The following SLC4A10 variants were observed in gnomAD, a reference collection of about 807,000 sequenced individuals.
SLC4A10 encodes solute carrier family 4 member 10, also known as sodium-driven chloride bicarbonate exchanger.
In SLC4A10, 42 loss-of-function variants were observed where a neutral mutation model predicts 137.7. The ratio of observed to expected loss-of-function variants is 0.30; its 90% CI spans 0.24 to 0.39. SLC4A10 has a LOEUF of 0.39. SLC4A10 is among the 10% of genes least tolerant of loss of function. The probability of loss-of-function intolerance (pLI) is 1.00; values close to 1 mark genes in which losing one functional copy is unlikely to be tolerated. For missense variants in SLC4A10, 925 were observed against 1,355.0 expected, an observed-to-expected ratio of 0.68 and a Z score of 4.98; for synonymous variants, 474 against 464.1, an observed-to-expected ratio of 1.02 and a Z score of -0.27.
intron 1 of SLC4A10, among the ~76,000 whole-genome samples, chr2:161,666,529 A>G (rs560303604): frequency 6.6e-6 from 1 of 151,834 alleles, no homozygotes; most frequent in East Asian, 1.9e-4. Flanking sequence ...TAATTAACAT[A>G]CTTTAATGAG....
chr2:161,971,714 C>T (rs756858382), intron 23 of SLC4A10, among the ~76,000 whole-genome samples: 1 of 152,196 alleles, frequency 6.6e-6, no homozygotes, highest in Non-Finnish European at 1.5e-5. Context: ...GGGATGCAGC[C>T]GGCCCTCCAT....
rs147996544 is a variant in SLC4A10 at position 161,723,697 on chromosome 2, C to T, written c.49-47276C>T. Among the ~76,000 whole-genome samples, 645 of 152,234 alleles carry T rather than the reference C, an allele frequency of 4.2e-3. 3 individuals carry two copies. Among genetic ancestry groups the T allele is most frequent in the South Asian group, 9.5e-3 (46 of 4,832 alleles). ...AGTGACTATGCATCAGAATCAAATA[C>T]GTAGGATTTAATAACATTGAATCCC... On this transcript the variant is annotated intron_variant, in intron 1 of 26. Coordinates refer to ENST00000446997, the MANE Select transcript of SLC4A10 (RefSeq NM_001178015.2).
At chr2:161,939,898 G>A (rs544186648) in intron 15 of SLC4A10, among the ~76,000 whole-genome samples, 5 of 152,170 alleles carry the variant, frequency 3.3e-5, no homozygotes, top group Non-Finnish European at 5.9e-5. Context: ...CAAGTAATGT[G>A]CAATGCTTCC....
At chr2:161,677,521 A>G (rs1252932696) in intron 1 of SLC4A10, among the ~76,000 whole-genome samples, 1 of 152,196 alleles carries the variant, frequency 6.6e-6, no homozygotes, top group Non-Finnish European at 1.5e-5. Flanking sequence ...TTTTTCAAGA[A>G]CATACTGCTA....
chr2:161,834,803 A>T (rs142636356), intron 3 of SLC4A10, among the ~76,000 whole-genome samples: 1 of 152,156 alleles, frequency 6.6e-6, no homozygotes, highest in Non-Finnish European at 1.5e-5. Flanking sequence ...GCTTGCATGG[A>T]TAAATAGATC....
At chr2:161,902,268 T>G (rs1026114461) in intron 12 of SLC4A10, 1 of 226,044 alleles carries the variant, frequency 4.4e-6, no homozygotes, top group South Asian at 5.1e-5. Flanking sequence ...TAATAAGTAA[T>G]TGATTAGAAT....
intron 1 of SLC4A10, among the ~76,000 whole-genome samples, chr2:161,641,154 A>C (rs1218805303): frequency 2.0e-5 from 3 of 152,146 alleles, no homozygotes; most frequent in Admixed American, 1.3e-4. Flanking sequence ...AAGGTATTTC[A>C]GTGTCTTATC....
At chr2:161,644,329 C>T (rs926439712) in intron 1 of SLC4A10, among the ~76,000 whole-genome samples, 1 of 151,992 alleles carries the variant, frequency 6.6e-6, no homozygotes, top group African/African-American at 2.4e-5. Context: ...GGACCCATCT[C>T]TACCAAAAGT....
At chr2:161,845,888 A>G (rs2059461434) in intron 4 of SLC4A10, among the ~76,000 whole-genome samples, 1 of 152,142 alleles carries the variant, frequency 6.6e-6, no homozygotes, top group African/African-American at 2.4e-5. Context: ...AGAAGAAAAT[A>G]TTAGATAAAA....
At chr2:161,875,531 A>G (rs1402721524) in intron 8 of SLC4A10, among the ~76,000 whole-genome samples, 1 of 152,206 alleles carries the variant, frequency 6.6e-6, no homozygotes, top group Non-Finnish European at 1.5e-5. Context: ...TAGGAAAATA[A>G]CTGGAATTAT....
At chr2:161,645,519 G>T in intron 1 of SLC4A10, among the ~76,000 whole-genome samples, 1 of 151,684 alleles carries the variant, frequency 6.6e-6, no homozygotes, top group East Asian at 1.9e-4. Flanking sequence ...TAGTAATTAT[G>T]TCATATTAGT....
chr2:161,885,126 C>T (rs1200000903), intron 10 of SLC4A10, among the ~76,000 whole-genome samples: 2 of 151,850 alleles, frequency 1.3e-5, no homozygotes, highest in African/African-American at 4.8e-5. Flanking sequence ...GGCAATGAGC[C>T]AAGATTGCAT....
intron 1 of SLC4A10, among the ~76,000 whole-genome samples, chr2:161,658,856 G>C (rs574060707): frequency 2.6e-5 from 4 of 151,960 alleles, no homozygotes; most frequent in Non-Finnish European, 5.9e-5. Context: ...CTCCTAAAGC[G>C]CCAGGATTAC....
At chr2:161,865,522 A>G (rs2060687555) in intron 6 of SLC4A10, among the ~76,000 whole-genome samples, 1 of 152,034 alleles carries the variant, frequency 6.6e-6, no homozygotes, top group African/African-American at 2.4e-5. Context: ...CATATACCCA[A>G]TTAAGTATTG....
At chr2:161,851,600 C>T (rs2059838003) in intron 4 of SLC4A10, among the ~76,000 whole-genome samples, 1 of 152,068 alleles carries the variant, frequency 6.6e-6, no homozygotes, top group African/African-American at 2.4e-5. Flanking sequence ...GATTTAGATG[C>T]TTTGTCACTT....
intron 1 of SLC4A10, among the ~76,000 whole-genome samples, chr2:161,653,816 A>G (rs1007545369): frequency 3.3e-5 from 5 of 152,254 alleles, no homozygotes; most frequent in African/African-American, 9.6e-5. Context: ...TTGATTCCGC[A>G]TCATGGATAC....
chr2:161,890,213 T>C (rs1406481883), intron 10 of SLC4A10, among the ~76,000 whole-genome samples: 2 of 152,210 alleles, frequency 1.3e-5, no homozygotes, highest in Non-Finnish European at 2.9e-5. Context: ...TCCAATTATG[T>C]GGTCAATTTT....
At chr2:161,932,004 C>G (rs1331717187) in intron 15 of SLC4A10, among the ~76,000 whole-genome samples, 1 of 152,114 alleles carries the variant, frequency 6.6e-6, no homozygotes, top group Non-Finnish European at 1.5e-5. Context: ...GCCATATTTT[C>G]CCTATTTTGT....
chr2:161,625,589 G>C (rs1385961766), intron 1 of SLC4A10, among the ~76,000 whole-genome samples: 1 of 152,024 alleles, frequency 6.6e-6, no homozygotes, highest in Non-Finnish European at 1.5e-5. Flanking sequence ...AGGGACTGGC[G>C]GTGAGCTGTC....
Sources: allele counts gnomAD v4.1 joint callset (sites outside exome capture counted in the v4.1 genomes callset), GRCh38; gene constraint gnomAD v4.1.1; transcripts MANE v1.5; gene names NCBI Gene and HGNC (gene_info 2026-07-23, HGNC 2026-07-21).